The following MICALL2 variants were observed in gnomAD, a reference collection of about 807,000 sequenced individuals.
The protein encoded by MICALL2 is MICAL like 2, also known as MICAL-like protein 2.
MICALL2 carries 111 observed loss-of-function variants against 91.1 expected under a neutral mutation model. The ratio of observed to expected loss-of-function variants is 1.22; its 90% CI spans 1.04 to 1.43. MICALL2 has a LOEUF of 1.43. Ranked by LOEUF, MICALL2 falls within the 40% of genes most tolerant of loss-of-function variation. The probability of loss-of-function intolerance (pLI) is 0.00; values close to 1 mark genes in which losing one functional copy is unlikely to be tolerated. For missense variants in MICALL2, 1,556 were observed against 1,236.0 expected (o/e 1.26, Z -3.88); for synonymous variants, 694 against 525.3 (o/e 1.32, Z -4.39).
chr7:1,450,045 T>G (rs545915639), intron 2 of MICALL2, among the ~76,000 whole-genome samples, 195 bp downstream of exon 2: 27 of 152,296 alleles, frequency 1.8e-4, no homozygotes, highest in Non-Finnish European at 2.8e-4. Flanking sequence ...GGTGCCAAGA[T>G]AAGAGGCTAT....
intron 6 of MICALL2, among the ~76,000 whole-genome samples, chr7:1,444,379 C>G (rs1005274460): frequency 3.9e-5 from 6 of 152,196 alleles, no homozygotes; most frequent in Admixed American, 3.3e-4. Flanking sequence ...CAGGGGGCCC[C>G]GGAGCGGCAG....
chr7:1,442,912 G>GTC (rs1262562781), intron 6 of MICALL2, among the ~76,000 whole-genome samples: 1 of 152,104 alleles, frequency 6.6e-6, no homozygotes, highest in Non-Finnish European at 1.5e-5. Flanking sequence ...GCCAGGTTCA[G>GTC]TCCCATGTGA....
intron 1 of MICALL2, among the ~76,000 whole-genome samples, chr7:1,457,897 G>A (rs1022252080): frequency 5.3e-5 from 8 of 152,232 alleles, no homozygotes; most frequent in African/African-American, 1.7e-4. Flanking sequence ...TCCCCATTCC[G>A]GGTCCTTCTC....
rs989205654 is a variant in MICALL2 at position 1,459,423 on chromosome 7, C to A, written c.-97G>T. The A allele has an allele frequency of 9.1e-6, 11 of 1,202,592 alleles. No individual in the cohort carries two copies. The highest frequency in any genetic ancestry group is 1.2e-5 in the Non-Finnish European group (11 of 923,864). The allele number at this position is 1,202,592 out of a possible 1,614,324, so 74.5% of individuals were successfully genotyped here. Reference sequence around the variant, plus strand: ...GCCGGCGGGACAGACGCTGGGACCGCTACGGAACCGCCAGACCCACGGCGC... The same window carrying A: ...GCCGGCGGGACAGACGCTGGGACCGATACGGAACCGCCAGACCCACGGCGC... On this transcript the variant is annotated 5_prime_UTR_variant, in exon 1 of 17. Transcript: ENST00000297508.
Position 1,437,543 on chromosome 7 carries a change from G to C in MICALL2, c.2468C>G (p.Ala823Gly). Reference sequence around the variant, plus strand: ...GCGCGCGGGGGACGCACCGGGCTTGGCCATGAGCCGGCGCAGCTCGCCCTC... The same window carrying C: ...GCGCGCGGGGGACGCACCGGGCTTGCCCATGAGCCGGCGCAGCTCGCCCTC... The part of the protein sequence containing the change: ...DIEGELRRLM[A>G]KPEALKSLQE... The change falls in exon 14 of 17, where the codon GCC becomes GGC. Residue 823 changes from alanine to glycine, a missense_variant. Coordinates refer to ENST00000297508, the MANE Select transcript of MICALL2 (RefSeq NM_182924.4). 6.6e-7 allele frequency: 1 copy of C among 1,525,890 alleles called. No individual in the cohort carries two copies. Among genetic ancestry groups the C allele is most frequent in the Non-Finnish European group, 8.7e-7 (1 of 1,143,834 alleles). 94.5% of individuals were successfully genotyped at this position (1,525,890 alleles called of 1,614,324 possible).
At position 1,437,890 on chromosome 7, in the gene MICALL2, T is replaced by C. The variant is rs1263432408; in HGVS notation, c.2402A>G (p.Lys801Arg). The change falls in exon 13 of 17, where the codon AAG becomes AGG. Residue 801 changes from lysine to arginine, a missense_variant and splice_region_variant. Transcript: ENST00000297508. Reference protein sequence around the residue: ...LLRQESELMYKSKAQRLEEQQ... With the variant: ...LLRQESELMYRSKAQRLEEQQ... ...GAGGGGCCCACGGCTGGGCTCTCACTTGTACATCAGCTCTGACTCCTGTCT... is the reference window on the plus strand; with the variant it reads ...GAGGGGCCCACGGCTGGGCTCTCACCTGTACATCAGCTCTGACTCCTGTCT... 13 of 1,548,824 alleles carry C rather than the reference T, an allele frequency of 8.4e-6. No individual in the cohort carries two copies. The South Asian group carries it at 1.4e-4, about 17-fold the overall frequency.
At chr7:1,437,495 C>A (rs1464451415) in intron 14 of MICALL2, 40 bp downstream of exon 14, 30 of 1,495,700 alleles carry the variant, frequency 2.0e-5, no homozygotes, top group Non-Finnish European at 2.6e-5. Context: ...TCCGCGGCAT[C>A]CCTGGCTGGG....
At chr7:1,445,669 A>G (rs1252260843) in intron 5 of MICALL2, among the ~76,000 whole-genome samples, 1 of 152,204 alleles carries the variant, frequency 6.6e-6, no homozygotes, top group African/African-American at 2.4e-5. Flanking sequence ...TTAACCACTT[A>G]CATCACAAAC....
intron 16 of MICALL2, 83 bp downstream of exon 16, chr7:1,435,018 C>A: frequency 1.2e-6 from 1 of 801,546 alleles, no homozygotes; most frequent in South Asian, 1.5e-5. Context: ...AGGCCCGGTC[C>A]ACCCAGCCAG....
At chr7:1,457,942 C>A (rs370271557) in intron 1 of MICALL2, among the ~76,000 whole-genome samples, 2 of 152,274 alleles carry the variant, frequency 1.3e-5, no homozygotes, top group East Asian at 1.9e-4. Flanking sequence ...TCCTTCAAAG[C>A]TCAGCGTCAG....
Position 1,445,357 on chromosome 7 carries a change from C to T in MICALL2, c.713G>A (p.Cys238Tyr). 1 of 1,596,254 alleles carries T rather than the reference C, an allele frequency of 6.3e-7. No homozygotes were observed. Among genetic ancestry groups the T allele is most frequent in the Non-Finnish European group, 8.5e-7 (1 of 1,175,954 alleles). Reference protein sequence around the residue: ...KATGEPGTFVCTSHLPAAASA... With the variant: ...KATGEPGTFVYTSHLPAAASA... ...GGCGGCTGCGGGGAGGTGGCTGGTGCAGACGAAGGTGCCCGGCTCTCCTGT... is the reference window on the plus strand; with the variant it reads ...GGCGGCTGCGGGGAGGTGGCTGGTGTAGACGAAGGTGCCCGGCTCTCCTGT... The change falls in exon 6 of 17, where the codon TGC becomes TAC. Residue 238 changes from cysteine to tyrosine, a missense_variant. Coordinates refer to ENST00000297508, the MANE Select transcript of MICALL2 (RefSeq NM_182924.4).
At chr7:1,440,747 G>T in intron 7 of MICALL2, 63 bp from the exon 8 acceptor site, 2 of 1,417,858 alleles carry the variant, frequency 1.4e-6, no homozygotes, top group Non-Finnish European at 2.0e-6. Flanking sequence ...TGTCTGCAAG[G>T]GTGGCTGTGC....
intron 8 of MICALL2, 178 bp downstream of exon 8, chr7:1,440,410 GCCC>G: frequency 1.5e-6 from 1 of 657,580 alleles, no homozygotes; most frequent in South Asian, 1.8e-5. Context: ...ACGCAACGCT[GCCC>G]CCAAACCAGG....
At chr7:1,456,564 C>T (rs545423302) in intron 1 of MICALL2, among the ~76,000 whole-genome samples, 7 of 151,718 alleles carry the variant, frequency 4.6e-5, no homozygotes, top group African/African-American at 1.2e-4. Flanking sequence ...CCAGCCTGGG[C>T]GACAGAGCTA....
chr7:1,453,846 G>A (rs996710201), intron 1 of MICALL2, among the ~76,000 whole-genome samples: 1 of 152,236 alleles, frequency 6.6e-6, no homozygotes, highest in Non-Finnish European at 1.5e-5. Flanking sequence ...AAATGCGTGT[G>A]ATGCATTTGT....
chr7:1,444,924 G>A lies in MICALL2; in HGVS notation c.1146C>T (p.Pro382=). 2 of 1,537,750 alleles carry A rather than the reference G, an allele frequency of 1.3e-6. No homozygotes were observed. ...GTGTGGTTTGAGGAGCTGCCACTCG[G>A]GGGGCTCCCCCACCCTGGGGTGTGG... The part of the protein sequence containing the change: ...RPATPQGGGA[P]RVAAPQTTLS... The change falls in exon 6 of 17, where the codon CCC becomes CCT. Residue 382 remains proline (P), a synonymous_variant. Coordinates refer to ENST00000297508, the MANE Select transcript of MICALL2 (RefSeq NM_182924.4).
intron 1 of MICALL2, among the ~76,000 whole-genome samples, chr7:1,457,302 C>T (rs1343099480): frequency 6.6e-6 from 1 of 152,210 alleles, no homozygotes; most frequent in Non-Finnish European, 1.5e-5. Context: ...AACAGAGCCC[C>T]CACCCTCTGG....
At chr7:1,442,091 C>T (rs559610012) in intron 7 of MICALL2, 101 bp downstream of exon 7, 94 of 1,319,830 alleles carry the variant, frequency 7.1e-5, no homozygotes, top group East Asian at 1.6e-4. Context: ...GGAAGGCGGG[C>T]GGGGCTGATG....
Position 1,442,473 on chromosome 7 carries a change from G to A in MICALL2, c.1430C>T (p.Ala477Val), listed in dbSNP as rs1378795146. 2.0e-6 allele frequency: 3 copies of A among 1,529,986 alleles called. No individual in the cohort carries two copies. The highest frequency in any genetic ancestry group is 2.6e-6 in the Non-Finnish European group (3 of 1,137,886). The allele number at this position is 1,529,986 out of a possible 1,614,324, so 94.8% of individuals were successfully genotyped here. A position where few individuals can be genotyped will look rare whatever the true frequency, so the allele number is the denominator to read the frequency against. ...GAPAPGRPSP[A>V]TAAVPSSQPK... is the part of the protein sequence containing the mutation. ...CTGAGAACTGGGAACAGCGGCAGTG[G>A]CTGGGGAGGGCCTATAAGTAAAAGC... The change falls in exon 7 of 17, where the codon GCC becomes GTC. Residue 477 changes from alanine to valine, a missense_variant. Ala to Val is a moderately conservative substitution (Grantham distance 64). Transcript: ENST00000297508.
Sources: gnomAD v4.1 joint callset for allele counts (sites outside exome capture counted in the v4.1 genomes callset) on GRCh38, gnomAD v4.1.1 for gene constraint, MANE v1.5 for transcripts, NCBI Gene and HGNC (gene_info 2026-07-23, HGNC 2026-07-21) for gene names.